IQGAP1: variants seen among roughly 807,000 people sequenced by gnomAD.
The protein encoded by IQGAP1 is ras GTPase-activating-like protein IQGAP1.
Under a neutral mutation model 215.6 loss-of-function variants are expected in IQGAP1, and 66 were observed. That is an observed-to-expected ratio of 0.31 (90% CI 0.25 to 0.38). The LOEUF is 0.38. Ranked by LOEUF, IQGAP1 falls within the 10% of genes least tolerant of loss-of-function variation. The pLI is 1.00. For missense variants in IQGAP1, 1,712 were observed against 1,997.1 expected, an observed-to-expected ratio of 0.86 and a Z score of 2.72; for synonymous variants, 772 against 728.7, an observed-to-expected ratio of 1.06 and a Z score of -0.96.
At chr15:90,465,650 A>G (rs982428818) in intron 15 of IQGAP1, among the ~76,000 whole-genome samples, 1 of 150,838 alleles carries the variant, frequency 6.6e-6, no homozygotes, top group Non-Finnish European at 1.5e-5. Flanking sequence ...ATAGGCGTGC[A>G]CCACCATGCC....
intron 2 of IQGAP1, chr15:90,391,838 T>C (rs1412370212): frequency 6.6e-6 from 1 of 152,238 alleles, no homozygotes; most frequent in Non-Finnish European, 1.5e-5. Flanking sequence ...TCATGTATTC[T>C]ATAAGTGAGC....
chr15:90,486,024 T>A lies in IQGAP1; in HGVS notation c.3922-6T>A, dbSNP rs750136395. 2.8e-5 allele frequency: 45 copies of A among 1,610,302 alleles called. 1 individual carries two copies. The South Asian group carries it at 4.7e-4, about 17-fold the overall frequency. ...TATAAATGGAGTTGATCATTGGTGT[T>A]TGCAGCTCCTGTTGGATCACCAGGA... On this transcript the variant is annotated splice_region_variant and splice_polypyrimidine_tract_variant and intron_variant, in intron 30 of 37. Transcript: ENST00000268182.
chr15:90,476,481 G>A (rs970716753), intron 23 of IQGAP1, among the ~76,000 whole-genome samples, 182 bp from the exon 24 acceptor site: 9 of 152,154 alleles, frequency 5.9e-5, no homozygotes, highest in Non-Finnish European at 1.0e-4. Context: ...TTGGAACATA[G>A]GAATGGATTT....
chr15:90,431,960 T>C lies in IQGAP1; in HGVS notation c.391-1759T>C, dbSNP rs549936631. On this transcript the variant is annotated intron_variant, in intron 4 of 37. Coordinates refer to ENST00000268182, the MANE Select transcript of IQGAP1 (RefSeq NM_003870.4). Reference sequence around the variant, plus strand: ...TTTCTTAGTTTGATTTTTAAAATTGTTTTTAATCTGCTCAACTAGTCCTGT... The same window carrying C: ...TTTCTTAGTTTGATTTTTAAAATTGCTTTTAATCTGCTCAACTAGTCCTGT... Among the ~76,000 whole-genome samples the C allele has an allele frequency of 2.0e-5, 3 of 152,302 alleles. No homozygotes were observed. In the East Asian group the frequency reaches 5.8e-4, roughly 29 times the overall value.
At chr15:90,434,368 G>C (rs1204384355) in intron 5 of IQGAP1, among the ~76,000 whole-genome samples, 1 of 151,448 alleles carries the variant, frequency 6.6e-6, no homozygotes, top group Non-Finnish European at 1.5e-5. Context: ...AACCCGGAAG[G>C]CAGAGGTTGC....
intron 33 of IQGAP1, among the ~76,000 whole-genome samples, chr15:90,489,740 C>T (rs923016053): frequency 6.6e-6 from 1 of 152,140 alleles, no homozygotes; most frequent in Non-Finnish European, 1.5e-5. Flanking sequence ...GTGTGAAAGG[C>T]AAGTAAGGAC....
chr15:90,485,174 T>C (rs910764483), intron 30 of IQGAP1, among the ~76,000 whole-genome samples: 1 of 152,194 alleles, frequency 6.6e-6, no homozygotes, highest in African/African-American at 2.4e-5. Flanking sequence ...CAAGGGCATA[T>C]GTTAAAATGT....
chr15:90,445,885 G>T (rs924936621), intron 9 of IQGAP1, among the ~76,000 whole-genome samples: 5 of 150,572 alleles, frequency 3.3e-5, no homozygotes, highest in Non-Finnish European at 7.4e-5. Context: ...AGGCTGGAGT[G>T]CAGTGGCACG....
At chr15:90,393,024 C>T (rs566666993) in intron 2 of IQGAP1, among the ~76,000 whole-genome samples, 13 of 151,952 alleles carry the variant, frequency 8.6e-5, no homozygotes, top group African/African-American at 2.4e-4. Context: ...GAATTACAAA[C>T]GTGAGCTGCT....
chr15:90,425,692 C>G (rs1442486731), intron 2 of IQGAP1, among the ~76,000 whole-genome samples: 1 of 152,186 alleles, frequency 6.6e-6, no homozygotes, highest in African/African-American at 2.4e-5. Context: ...ATTCTGAGTT[C>G]TGCAACTGGA....
rs746790806 is a variant in IQGAP1, at chr15:90,388,368, G to A, written c.27G>A (p.Gly9=). Residue 9 remains glycine, a synonymous_variant, in exon 1 of 38, where the codon GGG becomes GGA. Transcript: ENST00000268182. ...TGTCCGCCGCAGACGAGGTTGACGGGCTGGGCGTGGCCCGGCCGCACTATG... is the reference window on the plus strand; with the variant it reads ...TGTCCGCCGCAGACGAGGTTGACGGACTGGGCGTGGCCCGGCCGCACTATG... MSAADEVD[G]LGVARPHYGS... 1.8e-5 allele frequency: 29 copies of A among 1,592,980 alleles called. No individual in the cohort carries two copies. Among genetic ancestry groups the A allele is most frequent in the Non-Finnish European group, 2.5e-5 (29 of 1,171,466 alleles).
intron 2 of IQGAP1, among the ~76,000 whole-genome samples, chr15:90,411,740 C>T (rs765622991): frequency 4.6e-5 from 7 of 152,096 alleles, no homozygotes; most frequent in Non-Finnish European, 8.8e-5. Context: ...TTTGGAATTT[C>T]ATTTCATTTC....
At position 90,448,650 on chromosome 15, in the gene IQGAP1, C is replaced by G; in HGVS notation, c.991C>G (p.Pro331Ala). 1 of 1,612,456 alleles carries G rather than the reference C, an allele frequency of 6.2e-7. No homozygotes were observed. The highest frequency in any genetic ancestry group is 8.5e-7 in the Non-Finnish European group (1 of 1,179,250). ...GGCCTTGTTCAGGGCTCTGCAGTCA[C>G]CAGCCCTGGGGCTTCGAGGACTGCA... ...ALALFRALQS[P>A]ALGLRGLQQQ... The change falls in exon 10 of 38, where the codon CCA becomes GCA. Residue 331 changes from proline (P) to alanine (A), a missense_variant. Around this residue, in one of 2 missense-constraint regions of IQGAP1, gnomAD observed 1,021 missense variants for 1,074.2 expected, o/e 0.95. Transcript: ENST00000268182.
At chr15:90,412,859 G>A (rs1596254400) in intron 2 of IQGAP1, among the ~76,000 whole-genome samples, 1 of 152,176 alleles carries the variant, frequency 6.6e-6, no homozygotes, top group African/African-American at 2.4e-5. Context: ...TCAGTGGCTT[G>A]AAGTGGTCAG....
intron 1 of IQGAP1, among the ~76,000 whole-genome samples, 175 bp downstream of exon 1, chr15:90,388,571 G>A (rs1462271474): frequency 6.6e-6 from 1 of 152,030 alleles, no homozygotes; most frequent in Non-Finnish European, 1.5e-5. Flanking sequence ...CCTGGTTCGC[G>A]CCCCCTCGGG....
chr15:90,455,566 C>A (rs955747962), intron 14 of IQGAP1, among the ~76,000 whole-genome samples: 8 of 152,130 alleles, frequency 5.3e-5, no homozygotes, highest in African/African-American at 1.9e-4. Flanking sequence ...GTACGGCTGC[C>A]TAAGATACCT....
rs1316172860 is a variant in IQGAP1, at chr15:90,444,267, GTGTGTGTGTGTGTATA to G, written c.913+791_913+806del. On this transcript the variant is annotated intron_variant, in intron 9 of 37. Transcript: ENST00000268182. ...ACTGTGTGTGTGTGTGTGTGTGTGT[GTGTGTGTGTGTGTATA>G]TATATATTTTTTTTTTTCTTTAAGA... 8.0e-3 allele frequency among the ~76,000 whole-genome samples: 943 copies of G among 117,608 alleles called. 19 individuals carry two copies. Among genetic ancestry groups the G allele is most frequent in the African/African-American group, 0.037 (877 of 23,488 alleles). 77.2% of individuals were successfully genotyped at this position (117,608 alleles called of 152,430 possible). A position where few individuals can be genotyped will look rare whatever the true frequency, so the allele number is the denominator to read the frequency against.
intron 4 of IQGAP1, among the ~76,000 whole-genome samples, chr15:90,430,366 G>A (rs987283641): frequency 2.0e-5 from 3 of 151,996 alleles, no homozygotes; most frequent in African/African-American, 7.3e-5. Context: ...TAAGAATTCC[G>A]CTTCTGGGAA....
chr15:90,462,547 TATTG>T (rs1965778265), intron 15 of IQGAP1, among the ~76,000 whole-genome samples: 1 of 152,240 alleles, frequency 6.6e-6, no homozygotes, highest in African/African-American at 2.4e-5. Flanking sequence ...ATATATGTAA[TATTG>T]GGTCTATCAT....
Sources: allele counts gnomAD v4.1 joint callset (sites outside exome capture counted in the v4.1 genomes callset), GRCh38; gene constraint gnomAD v4.1.1; regional missense constraint gnomAD v4.1.1; transcripts MANE v1.5; gene names NCBI Gene and HGNC (gene_info 2026-07-23, HGNC 2026-07-21).